The following ROBO1 variants were observed in gnomAD, a reference collection of about 807,000 sequenced individuals.
ROBO1 encodes the protein roundabout guidance receptor 1.
ROBO1 carries 149 observed loss-of-function variants against 195.9 expected under a neutral mutation model. The observed-to-expected ratio is 0.76, with a 90% CI of 0.67 to 0.87. ROBO1 has a LOEUF of 0.87. ROBO1 is among the 40% of genes least tolerant of loss of function. The pLI is 0.00. For synonymous variants in ROBO1, 816 were observed against 733.2 expected (o/e 1.11, Z -1.82); for missense variants, 1,933 against 2,068.3 (o/e 0.93, Z 1.27).
intron 2 of ROBO1, among the ~76,000 whole-genome samples, chr3:79,556,015 ATAT>A (rs1196265038): frequency 2.6e-5 from 4 of 152,138 alleles, no homozygotes; most frequent in African/African-American, 9.6e-5. Context: ...CTAAGAATTA[ATAT>A]TATTGTTTGA....
intron 29 of ROBO1, among the ~76,000 whole-genome samples, chr3:78,601,494 C>T (rs540549182): frequency 4.9e-4 from 75 of 152,300 alleles, no homozygotes; most frequent in South Asian, 2.9e-3. Context: ...AGCTTCTCTT[C>T]ATAACACTTG....
At chr3:79,182,134 G>T (rs1014101672) in intron 2 of ROBO1, among the ~76,000 whole-genome samples, 9 of 151,768 alleles carry the variant, frequency 5.9e-5, no homozygotes, top group Admixed American at 1.3e-4. Context: ...TTATTAAGTC[G>T]CAGTTGATAT....
chr3:78,981,394 CA>C (rs2076987097), intron 3 of ROBO1, among the ~76,000 whole-genome samples: 1 of 152,132 alleles, frequency 6.6e-6, no homozygotes, highest in Non-Finnish European at 1.5e-5. Context: ...ATTCACTACA[CA>C]AAACTCAGGA....
chr3:79,747,326 A>C (rs939757178), intron 1 of ROBO1, among the ~76,000 whole-genome samples: 1 of 152,060 alleles, frequency 6.6e-6, no homozygotes, highest in Admixed American at 6.5e-5. Flanking sequence ...GGTAATATAG[A>C]GATTATGTAT....
intron 19 of ROBO1, among the ~76,000 whole-genome samples, chr3:78,647,894 G>C (rs1706399838): frequency 6.6e-6 from 1 of 152,056 alleles, no homozygotes; most frequent in Admixed American, 6.6e-5. Flanking sequence ...AGGGAATTAT[G>C]CTAGGTTAGC....
At chr3:79,704,238 T>C (rs1468702471) in intron 1 of ROBO1, among the ~76,000 whole-genome samples, 2 of 151,944 alleles carry the variant, frequency 1.3e-5, no homozygotes, top group Non-Finnish European at 2.9e-5. Context: ...TCACTCTTGG[T>C]GTTATATATT....
At chr3:78,678,152 A>G (rs995188603) in intron 10 of ROBO1, among the ~76,000 whole-genome samples, 49 of 152,190 alleles carry the variant, frequency 3.2e-4, no homozygotes, top group African/African-American at 1.1e-3. Flanking sequence ...ACATACCAGA[A>G]TCTCTGGGAC....
At chr3:79,472,937 T>A (rs1420056524) in intron 2 of ROBO1, among the ~76,000 whole-genome samples, 1 of 152,096 alleles carries the variant, frequency 6.6e-6, no homozygotes, top group Non-Finnish European at 1.5e-5. Context: ...GAAAATTAGA[T>A]ATTAGCTAGG....
intron 26 of ROBO1, among the ~76,000 whole-genome samples, chr3:78,619,604 C>A (rs1454550192): frequency 6.6e-6 from 1 of 151,758 alleles, no homozygotes; most frequent in Admixed American, 6.6e-5. Flanking sequence ...ATGCACCTGG[C>A]AGAGGCAGGT....
At chr3:78,740,933 T>C (rs1340711717) in intron 5 of ROBO1, among the ~76,000 whole-genome samples, 2 of 152,194 alleles carry the variant, frequency 1.3e-5, no homozygotes, top group African/African-American at 4.8e-5. Context: ...TTTACTAATC[T>C]AAAACAAAAG....
chr3:79,276,157 A>G (rs746649802), intron 2 of ROBO1, among the ~76,000 whole-genome samples: 2 of 152,094 alleles, frequency 1.3e-5, no homozygotes, highest in Non-Finnish European at 2.9e-5. Context: ...AAGAACCAGA[A>G]TAGCCACAGC....
chr3:79,748,698 A>G (rs564329699), intron 1 of ROBO1, among the ~76,000 whole-genome samples: 1 of 152,206 alleles, frequency 6.6e-6, no homozygotes, highest in South Asian at 2.1e-4. Flanking sequence ...TGCTACTCTC[A>G]TGATAGTGAA....
chr3:79,420,893 C>T (rs1234353505), intron 2 of ROBO1, among the ~76,000 whole-genome samples: 5 of 152,000 alleles, frequency 3.3e-5, no homozygotes, highest in Admixed American at 2.6e-4. Context: ...CAAAAGAATA[C>T]AAATTGTTCT....
At chr3:78,704,474 T>G (rs1367974814) in intron 8 of ROBO1, among the ~76,000 whole-genome samples, 10 of 151,924 alleles carry the variant, frequency 6.6e-5, no homozygotes, top group Non-Finnish European at 1.5e-4. Flanking sequence ...TGAATGCAAG[T>G]TTTTAAAAGT....
chr3:78,858,770 C>T lies in ROBO1; in HGVS notation c.499+79831G>A, dbSNP rs1028321814. ...TCCGTCCACCTCCCCCACCCCACCC[C>T]CCGCCAGAAAACATAAAAAAGAAGA... On this transcript the variant is annotated intron_variant, in intron 4 of 30. Transcript: ENST00000464233. Among the ~76,000 whole-genome samples the T allele has an allele frequency of 5.8e-4, 87 of 151,226 alleles. 1 individual carries two copies. The highest frequency in any genetic ancestry group is 2.0e-3 in the African/African-American group (82 of 41,142).
intron 2 of ROBO1, among the ~76,000 whole-genome samples, chr3:79,484,039 C>A (rs1301276780): frequency 6.6e-6 from 1 of 152,126 alleles, no homozygotes; most frequent in Non-Finnish European, 1.5e-5. Flanking sequence ...TAGAGAGGAA[C>A]ATTTAATATA....
In ROBO1 at chr3:78,764,808, T is replaced by C. The variant is rs576570490; in HGVS notation, c.500-17908A>G. On this transcript the variant is annotated intron_variant, in intron 4 of 30. Transcript: ENST00000464233. ...TTGAAGACAATGTCATCATAATTGC[T>C]ACCTGTCACAGAGACATAAGGCCTC... is the stretch of plus-strand genomic sequence containing the variant. 1.4e-4 allele frequency among the ~76,000 whole-genome samples: 22 copies of C among 152,292 alleles called. No individual in the cohort carries two copies. In the South Asian group the frequency reaches 4.4e-3, roughly 30 times the overall value.
chr3:78,928,984 G>A (rs183096956), intron 4 of ROBO1, among the ~76,000 whole-genome samples: 17 of 152,136 alleles, frequency 1.1e-4, no homozygotes, highest in East Asian at 3.9e-4. Flanking sequence ...AAATACTTTC[G>A]TGGAGGTGGT....
At chr3:79,535,806 A>G (rs9871115) in intron 2 of ROBO1, among the ~76,000 whole-genome samples, 86,330 of 151,360 alleles carry the variant, frequency 0.57, 24,699 homozygotes, top group Non-Finnish European at 0.59. Flanking sequence ...AGACCAGAGA[A>G]GCAGTCACTC....
Sources: gnomAD v4.1 joint callset for allele counts (sites outside exome capture counted in the v4.1 genomes callset) on GRCh38, gnomAD v4.1.1 for gene constraint, MANE v1.5 for transcripts, NCBI Gene and HGNC (gene_info 2026-07-23, HGNC 2026-07-21) for gene names.